The following CDH22 variants were observed in gnomAD, a reference collection of about 807,000 sequenced individuals.
The protein encoded by CDH22 is cadherin-22.
In CDH22, 30 loss-of-function variants were observed where a neutral mutation model predicts 58.4. That is an observed-to-expected ratio of 0.51 (90% CI 0.38 to 0.70). The LOEUF is 0.70. Among genes scored for constraint, CDH22 ranks in the 30% least tolerant of loss-of-function variants. The pLI, the probability that CDH22 is intolerant of heterozygous loss-of-function variation, is 0.00. For synonymous variants in CDH22, 513 were observed against 558.2 expected (o/e 0.92, Z 1.14); for missense variants, 1,014 against 1,233.9 (o/e 0.82, Z 2.67).
At chr20:46,233,260 TTTCC>T (rs908926987) in intron 3 of CDH22, among the ~76,000 whole-genome samples, 1 of 152,186 alleles carries the variant, frequency 6.6e-6, no homozygotes, top group African/African-American at 2.4e-5. Flanking sequence ...TCACCTTTTC[TTTCC>T]TTATGGATCC....
chr20:46,268,031 C>A (rs1330340687), intron 1 of CDH22, among the ~76,000 whole-genome samples: 2 of 152,240 alleles, frequency 1.3e-5, no homozygotes, highest in Non-Finnish European at 2.9e-5. Flanking sequence ...AGGGGCCAGG[C>A]CTTTGAATCC....
intron 1 of CDH22, among the ~76,000 whole-genome samples, chr20:46,270,181 G>C (rs2086480095): frequency 6.6e-6 from 1 of 152,216 alleles, no homozygotes; most frequent in Admixed American, 6.5e-5. Flanking sequence ...GCCAGCCCGA[G>C]CACCTTGCTA....
rs1036990507 is a variant in CDH22 at position 46,216,455 on chromosome 20, C to T, written c.838+371G>A. On this transcript the variant is annotated intron_variant, in intron 5 of 11. Coordinates refer to ENST00000537909, the MANE Select transcript of CDH22 (RefSeq NM_021248.3). This position sits in a 1 kb window ranked among gnomAD's most constrained non-coding sequence, Gnocchi z 5.3. ...CCTTCCCTCTGCAAGCCTAGGTCAG[C>T]GGCATGGGATGGCCCAACAAGTGGC... Among the ~76,000 whole-genome samples the T allele has an allele frequency of 3.3e-5, 5 of 152,154 alleles. No homozygotes were observed. The highest frequency in any genetic ancestry group is 1.2e-4 in the African/African-American group (5 of 41,430).
rs1196680534 is a variant in CDH22, at chr20:46,210,178, C to A, written c.1286+129G>T. ...CACCCGTGCGCCTCTCTCCGCGCCT[C>A]CCTCCCCCACGCAGCCCCTTCCTTC... On this transcript the variant is annotated intron_variant, in intron 7 of 11. Coordinates refer to ENST00000537909, the MANE Select transcript of CDH22 (RefSeq NM_021248.3). This position sits in a 1 kb window ranked among gnomAD's most constrained non-coding sequence, Gnocchi z 4.5. 2.0e-6 allele frequency: 2 copies of A among 996,462 alleles called. No individual in the cohort carries two copies. Among genetic ancestry groups the A allele is most frequent in the Non-Finnish European group, 2.7e-6 (2 of 744,776 alleles). The allele number at this position is 996,462 out of a possible 1,614,324, so 61.7% of individuals were successfully genotyped here.
rs888453915 is a variant in CDH22, at chr20:46,216,344, C to T, written c.838+482G>A. ...AGGAGGGAAATGCCTGTCACTCAGA[C>T]TTAGTTTTTCTCTGCACAACCTCTA... On this transcript the variant is annotated intron_variant, in intron 5 of 11. Coordinates refer to ENST00000537909, the MANE Select transcript of CDH22 (RefSeq NM_021248.3). This position sits in a 1 kb window ranked among gnomAD's most constrained non-coding sequence, Gnocchi z 5.3. 7.2e-5 allele frequency among the ~76,000 whole-genome samples: 11 copies of T among 152,222 alleles called. No homozygotes were observed. Among genetic ancestry groups the T allele is most frequent in the Non-Finnish European group, 1.5e-5 (1 of 68,036 alleles).
intron 3 of CDH22, among the ~76,000 whole-genome samples, chr20:46,230,206 T>C (rs1016595567): frequency 4.6e-5 from 7 of 151,994 alleles, no homozygotes; most frequent in Admixed American, 1.3e-4. Context: ...GGTTCAGCAG[T>C]TTATATTTCA....
chr20:46,291,140 G>A (rs572423067), intron 1 of CDH22, among the ~76,000 whole-genome samples: 1 of 152,248 alleles, frequency 6.6e-6, no homozygotes, highest in East Asian at 1.9e-4. Context: ...AGCTGGATGT[G>A]GTGGCATGTG....
intron 2 of CDH22, among the ~76,000 whole-genome samples, chr20:46,247,502 G>A (rs911448014): frequency 6.6e-6 from 1 of 152,176 alleles, no homozygotes; most frequent in Non-Finnish European, 1.5e-5. Context: ...ACAACTACTT[G>A]CATAGTATTT....
In CDH22 at chr20:46,178,100, G is replaced by A; in HGVS notation, c.1761C>T (p.Pro587=). ...TGAGCGTGCCTGTGCTGCTCAGTGT[G>A]GGCGGCCCACTGTCTACCACCAGGA... is the stretch of plus-strand genomic sequence containing the variant. ...LPILVVDSGP[P]TLSSTGTLTI... The change falls in exon 11 of 12, where the codon CCC becomes CCT. Residue 587 remains proline (P), a synonymous_variant. Transcript: ENST00000537909. 6.2e-7 allele frequency: 1 copy of A among 1,614,038 alleles called. No homozygotes were observed. Among genetic ancestry groups the A allele is most frequent in the Non-Finnish European group, 8.5e-7 (1 of 1,179,978 alleles).
At chr20:46,199,320 G>T in intron 8 of CDH22, 103 bp downstream of exon 8, 1 of 1,375,246 alleles carries the variant, frequency 7.3e-7, no homozygotes, top group Non-Finnish European at 9.7e-7. Flanking sequence ...GGCTTTGACT[G>T]ACAGGGCTGC....
At chr20:46,233,581 G>A (rs1173744568) in intron 3 of CDH22, among the ~76,000 whole-genome samples, 1 of 152,234 alleles carries the variant, frequency 6.6e-6, no homozygotes, top group Non-Finnish European at 1.5e-5. Context: ...CTCGAGGGCA[G>A]GATGGTAGCT....
chr20:46,265,320 C>T (rs997292204), intron 1 of CDH22, among the ~76,000 whole-genome samples: 1 of 152,186 alleles, frequency 6.6e-6, no homozygotes, highest in Non-Finnish European at 1.5e-5. Context: ...TCTTCCTCCT[C>T]CTCTTTCTCT....
intron 2 of CDH22, among the ~76,000 whole-genome samples, chr20:46,242,785 T>C (rs1348326956): frequency 1.3e-5 from 2 of 152,228 alleles, no homozygotes; most frequent in Admixed American, 1.3e-4. Context: ...ATAAGCCCTG[T>C]CTGAGACATA....
intron 8 of CDH22, among the ~76,000 whole-genome samples, chr20:46,197,317 T>C (rs6032717): frequency 0.071 from 10,504 of 148,324 alleles, 1,291 homozygotes; most frequent in African/African-American, 0.24. Flanking sequence ...TATATATATA[T>C]ACATATGAAG....
In CDH22 at chr20:46,179,883, G is replaced by A. The variant is rs567846711; in HGVS notation, c.1664-1686C>T. ...CCGCTGCCGGCTCCCTGTCTAGGCC[G>A]CCCTGCCTTTCCTCATAAAGTTCCT... On this transcript the variant is annotated intron_variant, in intron 10 of 11. Transcript: ENST00000537909. 2.2e-4 allele frequency among the ~76,000 whole-genome samples: 34 copies of A among 152,188 alleles called. No individual in the cohort carries two copies. In the South Asian group the frequency reaches 4.6e-3, roughly 20 times the overall value.
chr20:46,287,580 G>A (rs1424380773), intron 1 of CDH22, among the ~76,000 whole-genome samples: 8 of 151,906 alleles, frequency 5.3e-5, no homozygotes, highest in African/African-American at 1.7e-4. Flanking sequence ...GAAAGGCAGC[G>A]GGGAGGTTGG....
rs201067315 is a variant in CDH22 at position 46,217,018 on chromosome 20, A to G, written c.671-25T>C. 5.3e-4 allele frequency: 827 copies of G among 1,573,268 alleles called. 3 individuals are homozygous for G. The African/African-American group carries it at 6.0e-3, about 11-fold the overall frequency. ...CCTGTGGGTGAGTGAGGGTGAGGCC[A>G]GGGCACCCCACACCACCTGCCCACT... On this transcript the variant is annotated intron_variant, in intron 4 of 11. Coordinates refer to ENST00000537909, the MANE Select transcript of CDH22 (RefSeq NM_021248.3).
intron 6 of CDH22, among the ~76,000 whole-genome samples, chr20:46,211,663 G>C (rs535312407): frequency 6.6e-6 from 1 of 152,164 alleles, no homozygotes; most frequent in Non-Finnish European, 1.5e-5. Context: ...TGGAGTCCCC[G>C]GGCTGAGTTT....
intron 3 of CDH22, among the ~76,000 whole-genome samples, chr20:46,238,167 A>C (rs6131038): frequency 0.025 from 3,849 of 152,320 alleles, 218 homozygotes; most frequent in East Asian, 0.23. Context: ...CTAGTCCTTC[A>C]GATGGGGCTC....
Sources: allele counts gnomAD v4.1 joint callset (sites outside exome capture counted in the v4.1 genomes callset), GRCh38; gene constraint gnomAD v4.1.1; non-coding constraint Gnocchi (gnomAD v3.1); transcripts MANE v1.5; gene names NCBI Gene and HGNC (gene_info 2026-07-23, HGNC 2026-07-21).